The following FERMT3 variants were observed in gnomAD, a reference collection of about 807,000 sequenced individuals.
The protein encoded by FERMT3 is FERM domain containing kindlin 3.
FERMT3 carries 33 observed loss-of-function variants against 80.8 expected under a neutral mutation model. That is an observed-to-expected ratio of 0.41 (90% CI 0.31 to 0.55). The LOEUF is 0.55. Among genes scored for constraint, FERMT3 ranks in the 20% least tolerant of loss-of-function variants. FERMT3 has a pLI of 0.31. For synonymous variants in FERMT3, 375 were observed against 372.2 expected, an observed-to-expected ratio of 1.01 and a Z score of -0.09; for missense variants, 754 against 908.7, an observed-to-expected ratio of 0.83 and a Z score of 2.19.
chr11:64,215,812 C>A lies in FERMT3; in HGVS notation c.787-3439C>A, dbSNP rs899800679. Among the ~76,000 whole-genome samples the A allele has an allele frequency of 2.7e-5, 4 of 148,950 alleles. 1 individual carries two copies. The highest frequency in any genetic ancestry group is 9.8e-5 in the African/African-American group (4 of 40,706). ...TGGGTCTCAAGTTATCCTCCCGCTT[C>A]GGCTTCCTGAGAAGTTGGGATTTTT... is the stretch of plus-strand genomic sequence containing the variant. On this transcript the variant is annotated intron_variant, in intron 6 of 14. Transcript: ENST00000345728.
Position 64,219,598 on chromosome 11 carries a change from G to A in FERMT3, c.969G>A (p.Leu323=), listed in dbSNP as rs1333372395. 6 of 1,612,956 alleles carry A rather than the reference G, an allele frequency of 3.7e-6. No individual in the cohort carries two copies. The highest frequency in any genetic ancestry group is 4.2e-6 in the Non-Finnish European group (5 of 1,179,954). The change falls in exon 8 of 15, where the codon CTG becomes CTA. Residue 323 remains leucine (L), a synonymous_variant. Coordinates refer to ENST00000345728, the MANE Select transcript of FERMT3 (RefSeq NM_031471.6). The surrounding 1 kb of genome is among the most constrained non-coding windows in gnomAD (Gnocchi z 4.0). Reference sequence around the variant, plus strand: ...GCACAGACCCAGGGCTGGACGACCTGGATGTGGCCCTGAGCAACCTGGAGG... The same window carrying A: ...GCACAGACCCAGGGCTGGACGACCTAGATGTGGCCCTGAGCAACCTGGAGG... ...PAGTDPGLDD[L]DVALSNLEVK... is the part of the protein sequence containing the mutation.
intron 6 of FERMT3, among the ~76,000 whole-genome samples, chr11:64,215,776 G>A (rs1946536528): frequency 6.6e-6 from 1 of 150,774 alleles, no homozygotes; most frequent in African/African-American, 2.4e-5. Context: ...GTTTTGCTAC[G>A]TTGCCCAGAT....
chr11:64,210,054 C>T lies in FERMT3; in HGVS notation c.161-557C>T, dbSNP rs1946402179. Among the ~76,000 whole-genome samples the T allele has an allele frequency of 6.6e-6, 1 of 152,208 alleles. No individual in the cohort carries two copies. The highest frequency in any genetic ancestry group is 2.1e-4 in the South Asian group (1 of 4,834). On this transcript the variant is annotated intron_variant, in intron 2 of 14. Coordinates refer to ENST00000345728, the MANE Select transcript of FERMT3 (RefSeq NM_031471.6). This position sits in a 1 kb window ranked among gnomAD's most constrained non-coding sequence, Gnocchi z 4.3. ...ACATGGGAGGCCTTGTTCCGTGTCC[C>T]AGTTTGTAAGATCGTTATTGTATCT...
chr11:64,211,481 C>T lies in FERMT3; in HGVS notation c.683+38C>T, dbSNP rs1381688735. 1.3e-6 allele frequency: 2 copies of T among 1,548,934 alleles called. No homozygotes were observed. Among genetic ancestry groups the T allele is most frequent in the Non-Finnish European group, 1.7e-6 (2 of 1,151,380 alleles). On this transcript the variant is annotated intron_variant, in intron 5 of 14. Coordinates refer to ENST00000345728, the MANE Select transcript of FERMT3 (RefSeq NM_031471.6). This position sits in a 1 kb window ranked among gnomAD's most constrained non-coding sequence, Gnocchi z 4.7. ...GCCACGCCCCCTGTGTCAGGGCTCC[C>T]CCACCCAGGATCCACCCCCTGTCCC...
At chr11:64,209,791 G>T (rs1359185858) in intron 2 of FERMT3, among the ~76,000 whole-genome samples, 2 of 152,166 alleles carry the variant, frequency 1.3e-5, no homozygotes, top group East Asian at 3.9e-4. Context: ...TCAGGAAACA[G>T]GGCTTTGCAA....
At position 64,211,520 on chromosome 11, in the gene FERMT3, C is replaced by A; in HGVS notation, c.683+77C>A. On this transcript the variant is annotated intron_variant, in intron 5 of 14. Coordinates refer to ENST00000345728, the MANE Select transcript of FERMT3 (RefSeq NM_031471.6). This position sits in a 1 kb window ranked among gnomAD's most constrained non-coding sequence, Gnocchi z 4.7. ...ACCCCCTGTCCCGTGTCTGTGCCCA[C>A]CCCAGATCCACACTTCGTTTCCAGG... is the stretch of plus-strand genomic sequence containing the variant. 6.7e-7 allele frequency: 1 copy of A among 1,499,524 alleles called. No homozygotes were observed. The highest frequency in any genetic ancestry group is 8.9e-7 in the Non-Finnish European group (1 of 1,117,982). The allele number at this position is 1,499,524 out of a possible 1,614,324, so 92.9% of individuals were successfully genotyped here. A position where few individuals can be genotyped will look rare whatever the true frequency, so the allele number is the denominator to read the frequency against.
At chr11:64,207,202 C>T (rs1049225212) in intron 1 of FERMT3, 149 bp from the exon 2 acceptor site, 1 of 841,556 alleles carries the variant, frequency 1.2e-6, no homozygotes, top group East Asian at 2.7e-5. Flanking sequence ...CTGAGGGTAC[C>T]ACGGGCGTGC....
rs548942497 is a variant in FERMT3, at chr11:64,206,734, G to A, written c.-95G>A. On this transcript the variant is annotated 5_prime_UTR_variant, in exon 1 of 15. Coordinates refer to ENST00000345728, the MANE Select transcript of FERMT3 (RefSeq NM_031471.6). ...GGGCTGCCCTGAAGGAAGCTCCAAA[G>A]AGAAAGGAGGGCAGGAAGCCCACGG... The A allele has an allele frequency of 6.5e-6, 1 of 153,138 alleles. No homozygotes were observed. The allele number at this position is 153,138 out of a possible 1,614,324, so 9.5% of individuals were successfully genotyped here. A position where few individuals can be genotyped will look rare whatever the true frequency, so the allele number is the denominator to read the frequency against.
At chr11:64,208,895 G>A (rs1178010741) in intron 2 of FERMT3, among the ~76,000 whole-genome samples, 7 of 152,174 alleles carry the variant, frequency 4.6e-5, no homozygotes, top group Admixed American at 6.5e-5. Flanking sequence ...GGTGGCCACC[G>A]AAGGGTTCTC....
rs776202905 is a variant in FERMT3 at position 64,211,692 on chromosome 11, G to A, written c.731G>A (p.Gly244Glu). 1.2e-5 allele frequency: 19 copies of A among 1,614,176 alleles called. No homozygotes were observed. In the Middle Eastern group the frequency reaches 6.6e-4, roughly 56 times the overall value. Residue 244 changes from glycine (G) to glutamate (E), a missense_variant, in exon 6 of 15, where the codon GGG becomes GAG. Transcript: ENST00000345728. This position sits in a 1 kb window ranked among gnomAD's most constrained non-coding sequence, Gnocchi z 4.7. ...CTCATGCAGCAGGGCATCAAGGCCGGGGACGCACTCTGGCTGCGCTTCAAG... is the reference window on the plus strand; with the variant it reads ...CTCATGCAGCAGGGCATCAAGGCCGAGGACGCACTCTGGCTGCGCTTCAAG... ...RCLMQQGIKA[G>E]DALWLRFKYY...
intron 13 of FERMT3, among the ~76,000 whole-genome samples, chr11:64,221,431 C>A (rs1318662571): frequency 6.6e-6 from 1 of 151,698 alleles, no homozygotes; most frequent in Admixed American, 6.6e-5. Context: ...GAGTTTGAGA[C>A]CAGCCTGGGC....
At chr11:64,206,167 G>C (rs1232059377), upstream of FERMT3, among the ~76,000 whole-genome samples, 1 of 152,222 alleles carries the variant, frequency 6.6e-6, no homozygotes, top group Non-Finnish European at 1.5e-5. Flanking sequence ...TCTGGGCCAA[G>C]TACTGTTCAC....
At chr11:64,215,033 C>T (rs1946521745) in intron 6 of FERMT3, among the ~76,000 whole-genome samples, 1 of 152,130 alleles carries the variant, frequency 6.6e-6, no homozygotes, top group East Asian at 1.9e-4. Flanking sequence ...TGGTCTCGAA[C>T]TCCTGACCTC....
chr11:64,220,621 C>A lies in FERMT3; in HGVS notation c.1497C>A (p.Pro499=), dbSNP rs1400489114. 6 of 1,611,574 alleles carry A rather than the reference C, an allele frequency of 3.7e-6. No individual in the cohort carries two copies. Among genetic ancestry groups the A allele is most frequent in the Non-Finnish European group, 5.1e-6 (6 of 1,179,392 alleles). ...GPDASAEGLN[P]YGLVAPRFQR... Reference sequence around the variant, plus strand: ...ATGCCTCTGCCGAGGGCCTCAACCCCTACGGCCTCGTTGCCCCCCGTTTCC... The same window carrying A: ...ATGCCTCTGCCGAGGGCCTCAACCCATACGGCCTCGTTGCCCCCCGTTTCC... The change falls in exon 12 of 15, where the codon CCC becomes CCA. Residue 499 remains proline, a synonymous_variant. Transcript: ENST00000345728.
chr11:64,220,166 C>G, intron 10 of FERMT3, 54 bp from the exon 11 acceptor site: 1 of 1,583,790 alleles, frequency 6.3e-7, no homozygotes, highest in South Asian at 1.1e-5. Flanking sequence ...ACTCCAGGAC[C>G]TCAGGCGGCT....
chr11:64,214,310 G>A (rs1340834318), intron 6 of FERMT3, among the ~76,000 whole-genome samples: 1 of 151,552 alleles, frequency 6.6e-6, no homozygotes, highest in African/African-American at 2.4e-5. Context: ...TGGGACTGCA[G>A]GCACGCGCCA....
In FERMT3 at chr11:64,211,465, C is replaced by A. The variant is rs1326584986; in HGVS notation, c.683+22C>A. On this transcript the variant is annotated intron_variant, in intron 5 of 14. Transcript: ENST00000345728. The surrounding 1 kb of genome is among the most constrained non-coding windows in gnomAD (Gnocchi z 4.7). ...GCAGGTGCACCCAGGAGCCACGCCC[C>A]CTGTGTCAGGGCTCCCCCACCCAGG... 1.9e-6 allele frequency: 3 copies of A among 1,566,928 alleles called. No individual in the cohort carries two copies. Among genetic ancestry groups the A allele is most frequent in the Non-Finnish European group, 2.6e-6 (3 of 1,161,098 alleles).
Position 64,223,744 on chromosome 11 carries a change from T to C in FERMT3, c.*252T>C. 2.6e-6 allele frequency: 2 copies of C among 774,636 alleles called. No homozygotes were observed. The highest frequency in any genetic ancestry group is 1.7e-5 in the African/African-American group (1 of 57,234). 48.0% of individuals were successfully genotyped at this position (774,636 alleles called of 1,614,324 possible). On this transcript the variant is annotated 3_prime_UTR_variant, in exon 15 of 15. Coordinates refer to ENST00000345728, the MANE Select transcript of FERMT3 (RefSeq NM_031471.6). ...CTTTCCTTGTCTGAGTGGCTGAGGC[T>C]GATACCCCTGACCTATCTGCAGTCC... is the stretch of plus-strand genomic sequence containing the variant.
intron 2 of FERMT3, among the ~76,000 whole-genome samples, chr11:64,208,146 G>A (rs1946356042): frequency 1.3e-5 from 2 of 151,692 alleles, no homozygotes; most frequent in Non-Finnish European, 2.9e-5. Context: ...TGGGCTGCCA[G>A]TGGGTGGGGG....
Sources: allele counts gnomAD v4.1 joint callset (sites outside exome capture counted in the v4.1 genomes callset), GRCh38; gene constraint gnomAD v4.1.1; non-coding constraint Gnocchi (gnomAD v3.1); transcripts MANE v1.5; gene names NCBI Gene and HGNC (gene_info 2026-07-23, HGNC 2026-07-21).